The following SOX6 variants were observed in gnomAD, a reference collection of about 807,000 sequenced individuals.
The protein encoded by SOX6 is transcription factor SOX-6.
A neutral mutation model predicts 97.8 loss-of-function variants in SOX6; 11 were observed. The observed-to-expected ratio is 0.11, with a 90% CI of 0.07 to 0.19. The LOEUF (loss-of-function observed/expected upper bound fraction) is 0.19, where lower values mean the gene tolerates loss of function less well. SOX6 is among the 10% of genes least tolerant of loss of function. SOX6 has a pLI of 1.00. For missense variants in SOX6, 810 were observed against 1,039.5 expected (o/e 0.78, Z 3.04); for synonymous variants, 360 against 371.4 (o/e 0.97, Z 0.35).
chr11:16,325,031 G>GA lies in SOX6; in HGVS notation c.238-6379dup, dbSNP rs546862768. ...ATACATCATTAAAAAATTATGTACA[G>GA]AAAAAAAGAGACCATAGTACACAAT... On this transcript the variant is annotated intron_variant, in intron 2 of 15. Transcript: ENST00000683767. Among the ~76,000 whole-genome samples the GA allele has an allele frequency of 7.9e-5, 12 of 152,008 alleles. No individual in the cohort carries two copies. In the South Asian group the frequency reaches 2.5e-3, roughly 32 times the overall value.
chr11:16,587,627 C>A lies in SOX6; in HGVS notation n.609+24454G>T, dbSNP rs144794923. Among the ~76,000 whole-genome samples, 1,112 of 152,230 alleles carry A rather than the reference C, an allele frequency of 7.3e-3. 15 individuals carry two copies. The highest frequency in any genetic ancestry group is 0.024 in the African/African-American group (1,006 of 41,534). ...GATACTGAAAAGAAAGTGAGAAAAT[C>A]AGAAATCTGTTCATTTATTAAATGC... On this transcript the variant is annotated intron_variant and non_coding_transcript_variant, in intron 4 of 5. Coordinates refer to the SOX6 transcript ENST00000524520.
At chr11:16,345,392 A>T (rs984146546) in intron 1 of SOX6, among the ~76,000 whole-genome samples, 3 of 152,000 alleles carry the variant, frequency 2.0e-5, no homozygotes, top group Non-Finnish European at 2.9e-5. Context: ...CCAACAATCA[A>T]GTGAACTCCC....
chr11:16,409,218 C>T (rs1350056127), intron 1 of SOX6, among the ~76,000 whole-genome samples: 1 of 150,982 alleles, frequency 6.6e-6, no homozygotes, highest in Non-Finnish European at 1.5e-5. Context: ...AGCCTTATGG[C>T]GACAACCTCC....
intron 13 of SOX6, among the ~76,000 whole-genome samples, chr11:16,002,962 A>T (rs939002853): frequency 6.6e-6 from 1 of 152,160 alleles, no homozygotes; most frequent in Non-Finnish European, 1.5e-5. Context: ...TATTATAAAA[A>T]CTAGCCTTCT....
chr11:16,642,713 T>C (rs35709485), intron 3 of SOX6, among the ~76,000 whole-genome samples: 42,429 of 152,150 alleles, frequency 0.28, 6,874 homozygotes, highest in East Asian at 0.53. Context: ...AATTGGCTAT[T>C]GAAGCATGTG....
chr11:16,217,463 C>A (rs1013584438), intron 4 of SOX6, among the ~76,000 whole-genome samples: 1 of 152,044 alleles, frequency 6.6e-6, no homozygotes, highest in Non-Finnish European at 1.5e-5. Flanking sequence ...AGAGGTATAT[C>A]TCAATGTACT....
intron 1 of SOX6, among the ~76,000 whole-genome samples, chr11:16,350,142 T>A (rs1260289324): frequency 6.6e-6 from 1 of 152,166 alleles, no homozygotes; most frequent in Non-Finnish European, 1.5e-5. Context: ...AATCCAGACA[T>A]TAGAATAATG....
chr11:16,710,193 G>A (rs1356338579), intron 3 of SOX6, among the ~76,000 whole-genome samples: 1 of 152,086 alleles, frequency 6.6e-6, no homozygotes, highest in African/African-American at 2.4e-5. Flanking sequence ...CATCTTGAAG[G>A]GAGAGATAGG....
intron 13 of SOX6, among the ~76,000 whole-genome samples, chr11:16,005,217 T>C (rs1854511160): frequency 1.3e-5 from 2 of 152,028 alleles, no homozygotes; most frequent in African/African-American, 2.4e-5. Flanking sequence ...GAATGCAATT[T>C]ACTCCTTAAT....
At position 16,345,984 on chromosome 11, in the gene SOX6, A is replaced by G. The variant is rs1035812333; in HGVS notation, c.-4-4732T>C. Among the ~76,000 whole-genome samples, 5 of 152,024 alleles carry G rather than the reference A, an allele frequency of 3.3e-5. No individual in the cohort carries two copies. In the South Asian group the frequency reaches 6.2e-4, roughly 19 times the overall value. On this transcript the variant is annotated intron_variant, in intron 1 of 15. Transcript: ENST00000683767. ...AAATATTTCCATTATTTTTATGATT[A>G]TTATCAAATGGCATTCACTTTCCAG...
intron 3 of SOX6, among the ~76,000 whole-genome samples, chr11:16,271,220 T>C (rs1376084192): frequency 6.6e-6 from 1 of 151,424 alleles, no homozygotes; most frequent in African/African-American, 2.4e-5. Context: ...ACTGGAATAA[T>C]TCCACTTGAA....
At chr11:16,209,043 A>G (rs1852146834) in intron 4 of SOX6, among the ~76,000 whole-genome samples, 1 of 152,226 alleles carries the variant, frequency 6.6e-6, no homozygotes, top group Non-Finnish European at 1.5e-5. Context: ...ACATATTGTG[A>G]CAGACTGAAT....
intron 14 of SOX6, among the ~76,000 whole-genome samples, chr11:15,987,499 T>C (rs1853892548): frequency 6.6e-6 from 1 of 152,184 alleles, no homozygotes; most frequent in Non-Finnish European, 1.5e-5. Flanking sequence ...TTTTAATGAA[T>C]ATACTTACTA....
At chr11:16,608,879 A>G (rs1848366042) in intron 4 of SOX6, among the ~76,000 whole-genome samples, 1 of 152,210 alleles carries the variant, frequency 6.6e-6, no homozygotes, top group African/African-American at 2.4e-5. Context: ...TGGAGAAACA[A>G]TTTCAAGAGG....
intron 4 of SOX6, among the ~76,000 whole-genome samples, chr11:16,511,038 A>T (rs1860873042): frequency 6.6e-6 from 1 of 152,170 alleles, no homozygotes; most frequent in African/African-American, 2.4e-5. Context: ...GGATACTAAG[A>T]CGAAAAAACT....
At chr11:16,137,617 A>G (rs1413600549) in intron 6 of SOX6, among the ~76,000 whole-genome samples, 1 of 152,144 alleles carries the variant, frequency 6.6e-6, no homozygotes, top group African/African-American at 2.4e-5. Flanking sequence ...TAATATTTCT[A>G]CTGCTTACCT....
At chr11:16,392,148 C>T (rs191681308) in intron 1 of SOX6, among the ~76,000 whole-genome samples, 30 of 151,996 alleles carry the variant, frequency 2.0e-4, no homozygotes, top group Admixed American at 9.8e-4. Flanking sequence ...GAAATAAAGC[C>T]GCATGTTTCT....
At position 16,341,214 on chromosome 11, in the gene SOX6, C is replaced by A. The variant is rs1157988750; in HGVS notation, c.35G>T (p.Cys12Phe). ...CATTGCATCCTCTCCATCAGCTGCA[C>A]AGGCAAATGGAGAGGTGGCTTGCTT... ...SSKQATSPFA[C>F]AADGEDAMTQ... The change falls in exon 2 of 16, where the codon TGT becomes TTT. Residue 12 changes from cysteine to phenylalanine, a missense_variant. Physicochemically the swap from Cys to Phe is radical, Grantham distance 205 (BLOSUM62 -2). This residue lies in a region of SOX6 where 100 missense variants were observed against 94.6 expected (regional missense o/e 1.06). Coordinates refer to ENST00000683767, the MANE Select transcript of SOX6 (RefSeq NM_001367873.1). 6.2e-7 allele frequency: 1 copy of A among 1,613,332 alleles called. No homozygotes were observed. Among genetic ancestry groups the A allele is most frequent in the African/African-American group, 1.3e-5 (1 of 74,974 alleles).
At chr11:16,541,371 A>G (rs1861406020) in intron 4 of SOX6, among the ~76,000 whole-genome samples, 1 of 152,202 alleles carries the variant, frequency 6.6e-6, no homozygotes, top group Non-Finnish European at 1.5e-5. Flanking sequence ...TAAAAACCCT[A>G]GAAGAAAACC....
Sources: gnomAD v4.1 joint callset for allele counts (sites outside exome capture counted in the v4.1 genomes callset) on GRCh38, gnomAD v4.1.1 for gene constraint, gnomAD v4.1.1 regional missense constraint, MANE v1.5 for transcripts, NCBI Gene and HGNC (gene_info 2026-07-23, HGNC 2026-07-21) for gene names.